Variants in APBB1IP observed in about 807,000 individuals in gnomAD.
The protein encoded by APBB1IP is amyloid beta precursor protein binding family B member 1 interacting protein, also known as amyloid beta A4 precursor protein-binding family B member 1-interacting protein.
APBB1IP carries 27 observed loss-of-function variants against 64.9 expected under a neutral mutation model. The ratio of observed to expected loss-of-function variants is 0.42; its 90% confidence interval spans 0.31 to 0.57. APBB1IP has a LOEUF of 0.57. Among genes scored for constraint, APBB1IP ranks in the 20% least tolerant of loss-of-function variants. The pLI is 0.20. For synonymous variants in APBB1IP, 392 were observed against 331.0 expected, an observed-to-expected ratio of 1.18 and a Z score of -2.00; for missense variants, 812 against 845.5, an observed-to-expected ratio of 0.96 and a Z score of 0.49.
At chr10:26,478,195 A>G (rs1469366821) in intron 2 of APBB1IP, among the ~76,000 whole-genome samples, 1 of 152,238 alleles carries the variant, frequency 6.6e-6, no homozygotes, top group Non-Finnish European at 1.5e-5. Flanking sequence ...AAAGGCAGTG[A>G]GAGAACCGCT....
At chr10:26,481,622 C>A (rs958738781) in intron 2 of APBB1IP, among the ~76,000 whole-genome samples, 8 of 151,944 alleles carry the variant, frequency 5.3e-5, no homozygotes, top group Admixed American at 2.6e-4. Context: ...GTAGCTGAGA[C>A]CACAGGTGCG....
rs1009061284 is a variant in APBB1IP, at chr10:26,528,099, C to G, written c.814-5340C>G. On this transcript the variant is annotated intron_variant, in intron 8 of 14. Coordinates refer to ENST00000376236, the MANE Select transcript of APBB1IP (RefSeq NM_019043.4). ...ACAGAAACACACTCTGCACCTCAAGCTCTCTGCTTAGAATCCATGCATCGT... is the reference window on the plus strand; with the variant it reads ...ACAGAAACACACTCTGCACCTCAAGGTCTCTGCTTAGAATCCATGCATCGT... Among the ~76,000 whole-genome samples the G allele has an allele frequency of 2.0e-5, 3 of 152,332 alleles. 1 individual carries two copies. The South Asian group carries it at 6.2e-4, about 32-fold the overall frequency.
At position 26,513,574 on chromosome 10, in the gene APBB1IP, G is replaced by C; in HGVS notation, c.727G>C (p.Val243Leu). The change falls in exon 8 of 15, where the codon GTC (valine) becomes CTC (leucine). Residue 243 changes from valine to leucine, a missense_variant. Around this residue, in one of 3 missense-constraint regions of APBB1IP, gnomAD observed 394 missense variants for 413.1 expected, o/e 0.95. Transcript: ENST00000376236. ...FFEDHENVVEVLSDWTRDTEN... is the reference protein window; with the variant it reads ...FFEDHENVVELLSDWTRDTEN... Reference sequence around the variant, plus strand: ...TGAAGACCATGAAAATGTTGTTGAAGTCTTATCAGACTGGACAAGAGACAC... The same window carrying C: ...TGAAGACCATGAAAATGTTGTTGAACTCTTATCAGACTGGACAAGAGACAC... 1 of 1,612,834 alleles carries C rather than the reference G, an allele frequency of 6.2e-7. No homozygotes were observed. Among genetic ancestry groups the C allele is most frequent in the Non-Finnish European group, 8.5e-7 (1 of 1,179,738 alleles).
chr10:26,560,809 C>G lies in APBB1IP; in HGVS notation c.1334C>G (p.Thr445Arg). Reference sequence around the variant, plus strand: ...GCCTCTCGGTGGACAAACTTGGGGACAGTCAATGCAGCTGCACCAGCTCAG... The same window carrying G: ...GCCTCTCGGTGGACAAACTTGGGGAGAGTCAATGCAGCTGCACCAGCTCAG... ...GLASRWTNLGTVNAAAPAQPS... is the reference protein window; with the variant it reads ...GLASRWTNLGRVNAAAPAQPS... Residue 445 changes from threonine (T) to arginine (R), a missense_variant, in exon 13 of 15, where the codon ACA (threonine) becomes AGA (arginine). This residue lies in a region of APBB1IP where 381 missense variants were observed against 352.1 expected (regional missense o/e 1.08). Transcript: ENST00000376236. 6.2e-7 allele frequency: 1 copy of G among 1,602,560 alleles called. No individual in the cohort carries two copies. The highest frequency in any genetic ancestry group is 8.5e-7 in the Non-Finnish European group (1 of 1,174,208).
At chr10:26,466,892 C>T (rs1292526676) in intron 2 of APBB1IP, among the ~76,000 whole-genome samples, 1 of 151,852 alleles carries the variant, frequency 6.6e-6, no homozygotes, top group African/African-American at 2.4e-5. Context: ...GTTATGATCA[C>T]ACCACTGCAT....
At chr10:26,464,479 C>T (rs999367267) in intron 2 of APBB1IP, among the ~76,000 whole-genome samples, 3 of 152,180 alleles carry the variant, frequency 2.0e-5, no homozygotes, top group Non-Finnish European at 4.4e-5. Context: ...TGGTCCATTG[C>T]AGCCTCAGAT....
intron 6 of APBB1IP, among the ~76,000 whole-genome samples, chr10:26,506,282 C>T (rs1836178102): frequency 6.8e-6 from 1 of 147,994 alleles, no homozygotes; most frequent in Non-Finnish European, 1.5e-5. Context: ...AGGTCTTGCT[C>T]TGTCACCCAG....
chr10:26,473,119 T>G (rs187242383), intron 2 of APBB1IP, among the ~76,000 whole-genome samples: 2 of 152,324 alleles, frequency 1.3e-5, no homozygotes, highest in Admixed American at 6.5e-5. Flanking sequence ...CCCTTAGTCT[T>G]GTTCCTTACA....
At chr10:26,551,466 G>C (rs115331867) in intron 11 of APBB1IP, among the ~76,000 whole-genome samples, 4 of 152,152 alleles carry the variant, frequency 2.6e-5, no homozygotes, top group African/African-American at 9.7e-5. Context: ...TCTCACTCAC[G>C]GTCAGTTTCC....
chr10:26,516,320 G>A (rs1296562097), intron 8 of APBB1IP, among the ~76,000 whole-genome samples: 2 of 151,934 alleles, frequency 1.3e-5, no homozygotes, highest in Non-Finnish European at 2.9e-5. Context: ...TTGGGAGGCT[G>A]AGGCAGGCGG....
At chr10:26,502,396 C>T (rs1439194128) in intron 5 of APBB1IP, among the ~76,000 whole-genome samples, 4 of 152,114 alleles carry the variant, frequency 2.6e-5, no homozygotes, top group African/African-American at 9.7e-5. Context: ...AATCCCAGTA[C>T]TTTGGGAGGC....
At chr10:26,560,657 T>C (rs1225823500) in intron 12 of APBB1IP, 73 bp from the exon 13 acceptor site, 4 of 1,021,430 alleles carry the variant, frequency 3.9e-6, no homozygotes, top group Non-Finnish European at 5.8e-6. Flanking sequence ...CTTCTGTATA[T>C]GTATATTGCA....
rs1284984394 is a variant in APBB1IP at position 26,528,703 on chromosome 10, G to A, written c.814-4736G>A. On this transcript the variant is annotated intron_variant, in intron 8 of 14. Coordinates refer to ENST00000376236, the MANE Select transcript of APBB1IP (RefSeq NM_019043.4). ...TGTAATCCCAGCACTTTGGGAGGCC[G>A]AGGCAGGTGAATCCCTTGAACTCAG... Among the ~76,000 whole-genome samples the A allele has an allele frequency of 4.6e-5, 7 of 152,162 alleles. No individual in the cohort carries two copies. In the South Asian group the frequency reaches 6.2e-4, roughly 14 times the overall value.
In APBB1IP at chr10:26,567,285, C is replaced by T; in HGVS notation, c.1798C>T (p.Pro600Ser). ...YAGIAGSELP[P>S]PPPPPPAPAP... ...AGGGATCGCGGGCTCAGAGCTGCCCCCGCCGCCGCCGCCGCCGCCCGCGCC... is the reference window on the plus strand; with the variant it reads ...AGGGATCGCGGGCTCAGAGCTGCCCTCGCCGCCGCCGCCGCCGCCCGCGCC... Residue 600 changes from proline (P) to serine (S), a missense_variant, in exon 15 of 15, where the codon CCG (proline) becomes TCG (serine). Physicochemically the swap from Pro to Ser is moderately conservative, Grantham distance 74. Transcript: ENST00000376236. 1.0e-6 allele frequency: 1 copy of T among 979,072 alleles called. No individual in the cohort carries two copies. Among genetic ancestry groups the T allele is most frequent in the Non-Finnish European group, 1.2e-6 (1 of 808,060 alleles). The allele number at this position is 979,072 out of a possible 1,614,324, so 60.6% of individuals were successfully genotyped here. A position where few individuals can be genotyped will look rare whatever the true frequency, so the allele number is the denominator to read the frequency against.
chr10:26,566,258 A>T (rs890033718), intron 14 of APBB1IP, among the ~76,000 whole-genome samples: 1 of 152,104 alleles, frequency 6.6e-6, no homozygotes. Context: ...ATCTCTAAAA[A>T]TATATATAGA....
intron 2 of APBB1IP, among the ~76,000 whole-genome samples, chr10:26,444,462 G>A (rs949065589): frequency 6.6e-5 from 10 of 152,138 alleles, no homozygotes; most frequent in African/African-American, 1.9e-4. Flanking sequence ...ATGACAAAGC[G>A]TTGGATTCTG....
intron 11 of APBB1IP, among the ~76,000 whole-genome samples, chr10:26,548,803 T>G (rs1284236079): frequency 6.6e-6 from 1 of 152,194 alleles, no homozygotes; most frequent in Non-Finnish European, 1.5e-5. Context: ...ACCATTTGAC[T>G]TCCTCCTTTC....
chr10:26,561,003 T>TCA (rs1490593462), intron 13 of APBB1IP, among the ~76,000 whole-genome samples, 159 bp downstream of exon 13: 1 of 149,606 alleles, frequency 6.7e-6, no homozygotes, highest in Non-Finnish European at 1.5e-5. Flanking sequence ...AGCCCAGCCC[T>TCA]CACACACACA....
intron 14 of APBB1IP, 101 bp from the exon 15 acceptor site, chr10:26,566,860 C>A: frequency 7.4e-7 from 1 of 1,351,438 alleles, no homozygotes; most frequent in South Asian, 1.4e-5. Context: ...TGCACTCAGC[C>A]TGGGCGACAG....
Sources: allele counts gnomAD v4.1 joint callset (sites outside exome capture counted in the v4.1 genomes callset), GRCh38; gene constraint gnomAD v4.1.1; regional missense constraint gnomAD v4.1.1; transcripts MANE v1.5; gene names NCBI Gene and HGNC (gene_info 2026-07-23, HGNC 2026-07-21).